SUGCT: variants seen among roughly 807,000 people sequenced by gnomAD.
The protein encoded by SUGCT is succinyl-CoA:glutarate CoA-transferase.
A neutral mutation model predicts 55.0 loss-of-function variants in SUGCT; 41 were observed. The ratio of observed to expected loss-of-function variants is 0.74; its 90% CI spans 0.58 to 0.97. SUGCT has a LOEUF of 0.97. SUGCT is among the 50% of genes least tolerant of loss of function. SUGCT has a pLI of 0.00. For missense variants in SUGCT, 568 were observed against 547.8 expected (o/e 1.04, Z -0.37); for synonymous variants, 187 against 200.4 (o/e 0.93, Z 0.56).
At chr7:40,654,249 A>AT (rs1293906275) in intron 12 of SUGCT, among the ~76,000 whole-genome samples, 1 of 152,030 alleles carries the variant, frequency 6.6e-6, no homozygotes, top group African/African-American at 2.4e-5. Context: ...AATGAAAAGG[A>AT]TAAGAAGAGC....
chr7:40,363,778 G>C (rs917772224), intron 9 of SUGCT, among the ~76,000 whole-genome samples: 1 of 151,982 alleles, frequency 6.6e-6, no homozygotes, highest in Non-Finnish European at 1.5e-5. Flanking sequence ...GCTGAAAAAA[G>C]TGTATATTCT....
At chr7:40,361,505 CG>C (rs1395998368) in intron 9 of SUGCT, among the ~76,000 whole-genome samples, 1 of 151,208 alleles carries the variant, frequency 6.6e-6, no homozygotes, top group Non-Finnish European at 1.5e-5. Context: ...ATGCAGGAGG[CG>C]GAGCTTGCAG....
At chr7:40,764,402 C>A (rs1288791484) in intron 13 of SUGCT, among the ~76,000 whole-genome samples, 2 of 152,092 alleles carry the variant, frequency 1.3e-5, no homozygotes, top group African/African-American at 2.4e-5. Flanking sequence ...CTGCTTATGT[C>A]TTTTACATTC....
chr7:40,527,627 T>C (rs1793872999), intron 12 of SUGCT, among the ~76,000 whole-genome samples: 2 of 152,202 alleles, frequency 1.3e-5, no homozygotes, highest in South Asian at 4.1e-4. Flanking sequence ...ATTTCTATTT[T>C]TGGATTATGC....
chr7:40,708,432 T>C (rs1266065935), intron 12 of SUGCT, among the ~76,000 whole-genome samples: 1 of 152,198 alleles, frequency 6.6e-6, no homozygotes, highest in African/African-American at 2.4e-5. Context: ...AAGCCGTTAG[T>C]GTTTGTTTCA....
At chr7:40,950,798 G>T in the SUGCT span, among the ~76,000 whole-genome samples, 1 of 152,160 alleles carries the variant, frequency 6.6e-6, no homozygotes, top group Non-Finnish European at 1.5e-5. Context: ...TGCATCCCAG[G>T]GATGAAGCCC....
chr7:40,500,405 G>T (rs1192389691), intron 12 of SUGCT, among the ~76,000 whole-genome samples: 2 of 152,150 alleles, frequency 1.3e-5, no homozygotes, highest in Non-Finnish European at 2.9e-5. Context: ...ATTTTAACTA[G>T]TGCCAAACAC....
rs1167593676 is a variant in SUGCT at position 40,239,731 on chromosome 7, C to T, written c.576+2005C>T. 2.6e-5 allele frequency among the ~76,000 whole-genome samples: 4 copies of T among 152,190 alleles called. No homozygotes were observed. In the South Asian group the frequency reaches 6.2e-4, roughly 24 times the overall value. ...AGCTTTTATCTCTTGTGTTACCCTA[C>T]TCAGGTGATTTTTGTTCTAGGTGAG... On this transcript the variant is annotated intron_variant, in intron 7 of 13. Transcript: ENST00000335693.
chr7:40,243,729 T>A (rs928580385), intron 7 of SUGCT, among the ~76,000 whole-genome samples: 1 of 152,170 alleles, frequency 6.6e-6, no homozygotes, highest in African/African-American at 2.4e-5. Context: ...CTGTGAGAAC[T>A]TCCATGGTAG....
At chr7:40,937,112 A>G in the SUGCT span, among the ~76,000 whole-genome samples, 1 of 152,102 alleles carries the variant, frequency 6.6e-6, no homozygotes, top group Non-Finnish European at 1.5e-5. Flanking sequence ...GGTGTAGTTT[A>G]TAGTGCTATT....
intron 13 of SUGCT, among the ~76,000 whole-genome samples, chr7:40,823,615 T>G (rs777972740): frequency 6.6e-5 from 10 of 152,132 alleles, no homozygotes; most frequent in Admixed American, 3.3e-4. Flanking sequence ...TATAAGCATT[T>G]GGGATGTGCA....
At chr7:40,749,548 C>T in intron 13 of SUGCT, 51 bp downstream of exon 13, 1 of 1,442,658 alleles carries the variant, frequency 6.9e-7, no homozygotes, top group Non-Finnish European at 9.8e-7. Context: ...TTAATTGTCC[C>T]ATATGCTGTT....
chr7:40,594,447 A>G (rs1797898040), intron 12 of SUGCT, among the ~76,000 whole-genome samples: 1 of 152,070 alleles, frequency 6.6e-6, no homozygotes, highest in Admixed American at 6.6e-5. Context: ...TCCAGTTATT[A>G]TGACAGGAAC....
At chr7:40,780,365 C>T (rs569842856) in intron 13 of SUGCT, among the ~76,000 whole-genome samples, 5 of 152,300 alleles carry the variant, frequency 3.3e-5, no homozygotes, top group East Asian at 1.9e-4. Flanking sequence ...AAAATAAACT[C>T]TCTAAAGAGT....
intron 8 of SUGCT, among the ~76,000 whole-genome samples, chr7:40,279,115 G>A (rs1349507556): frequency 6.6e-6 from 1 of 151,808 alleles, no homozygotes; most frequent in Non-Finnish European, 1.5e-5. Context: ...GGTATTGCAG[G>A]TGTGAGCCAC....
Position 40,481,358 on chromosome 7 carries a change from T to C in SUGCT, c.987-14926T>C, listed in dbSNP as rs574848915. On this transcript the variant is annotated intron_variant, in intron 11 of 13. Coordinates refer to ENST00000335693, the MANE Select transcript of SUGCT (RefSeq NM_001193313.2). ...ACCTCAAGAAAAGATATATATATTA[T>C]ATATATATAATATTTCCTATATGTG... Among the ~76,000 whole-genome samples the C allele has an allele frequency of 6.6e-5, 10 of 150,508 alleles. No individual in the cohort carries two copies. The Admixed American group carries it at 6.6e-4, about 10-fold the overall frequency.
intron 12 of SUGCT, among the ~76,000 whole-genome samples, chr7:40,682,120 C>T (rs1784274608): frequency 6.6e-6 from 1 of 152,098 alleles, no homozygotes; most frequent in African/African-American, 2.4e-5. Flanking sequence ...CTGGAATTTC[C>T]CTTGAAGGAG....
chr7:40,928,109 A>G, the SUGCT span, among the ~76,000 whole-genome samples: 1 of 151,844 alleles, frequency 6.6e-6, no homozygotes, highest in African/African-American at 2.4e-5. Context: ...GGTTTAATTA[A>G]ATTAATTATT....
intron 10 of SUGCT, among the ~76,000 whole-genome samples, chr7:40,457,421 G>A (rs900057779): frequency 5.3e-5 from 8 of 152,032 alleles, no homozygotes; most frequent in Non-Finnish European, 1.0e-4. Context: ...TCCAGCCTAC[G>A]CAGCAGTGTG....
Sources: allele counts gnomAD v4.1 joint callset (sites outside exome capture counted in the v4.1 genomes callset), GRCh38; gene constraint gnomAD v4.1.1; transcripts MANE v1.5; gene names NCBI Gene and HGNC (gene_info 2026-07-23, HGNC 2026-07-21).